Variants in ATP1A3 observed in about 807,000 individuals in gnomAD.
ATP1A3 encodes sodium/potassium-transporting ATPase subunit alpha-3.
Under a neutral mutation model 108.8 loss-of-function variants are expected in ATP1A3, and 12 were observed. The observed-to-expected ratio is 0.11, with a 90% CI of 0.07 to 0.18. The LOEUF is 0.18. Ranked by LOEUF, ATP1A3 falls within the 10% of genes least tolerant of loss-of-function variation. The probability of loss-of-function intolerance (pLI) is 1.00; values close to 1 mark genes in which losing one functional copy is unlikely to be tolerated. For synonymous variants in ATP1A3, 539 were observed against 564.5 expected (o/e 0.95, Z 0.64); for missense variants, 498 against 1,387.7 (o/e 0.36, Z 10.19).
At position 41,988,637 on chromosome 19, in the gene ATP1A3, C is replaced by T; in HGVS notation, c.7-75G>A. 1 of 1,611,558 alleles carries T rather than the reference C, an allele frequency of 6.2e-7. No individual in the cohort carries two copies. Among genetic ancestry groups the T allele is most frequent in the Non-Finnish European group, 8.5e-7 (1 of 1,179,346 alleles). ...GAAGGGGTTCCAGGAGGACACCGGC[C>T]CTCCATGCCCCAGCTATCCTCCTGG... is the stretch of plus-strand genomic sequence containing the variant. On this transcript the variant is annotated intron_variant, in intron 1 of 22. Coordinates refer to ENST00000648268, the MANE Select transcript of ATP1A3 (RefSeq NM_152296.5). This position sits in a 1 kb window ranked among gnomAD's most constrained non-coding sequence, Gnocchi z 5.3.
rs374679279 is a variant in ATP1A3, at chr19:41,976,518, G to A, written c.1992C>T (p.Thr664=). 2 of 1,614,084 alleles carry A rather than the reference G, an allele frequency of 1.2e-6. No individual in the cohort carries two copies. Among genetic ancestry groups the A allele is most frequent in the Non-Finnish European group, 1.7e-6 (2 of 1,180,048 alleles). Residue 664 remains threonine (T), a synonymous_variant, in exon 15 of 23, where the codon ACC becomes ACT. Coordinates refer to ENST00000648268, the MANE Select transcript of ATP1A3 (RefSeq NM_152296.5). ...VIHGTDLKDF[T]SEQIDEILQN... Reference sequence around the variant, plus strand: ...GCAGGATCTCGTCGATTTGCTCGGAGGTGAAGTCCTTGAGGTCGGTGCCGT... The same window carrying A: ...GCAGGATCTCGTCGATTTGCTCGGAAGTGAAGTCCTTGAGGTCGGTGCCGT...
rs267606670 is a variant in ATP1A3, at chr19:41,968,837, C to T, written c.2767G>A (p.Asp923Asn). ...CTCCGGGTCTTGCAGATGATCAGAT[C>T]GGCCCACTGGACGACAACGATGCTC... ...FVSIVVVQWA[D>N]LIICKTRRNS... The change falls in exon 20 of 23, where the codon GAT becomes AAT. Residue 923 changes from aspartate (D) to asparagine (N), a missense_variant. Coordinates refer to ENST00000648268, the MANE Select transcript of ATP1A3 (RefSeq NM_152296.5). The surrounding 1 kb of genome is among the most constrained non-coding windows in gnomAD (Gnocchi z 5.0). 1 of 1,614,164 alleles carries T rather than the reference C, an allele frequency of 6.2e-7. No homozygotes were observed. Among genetic ancestry groups the T allele is most frequent in the Non-Finnish European group, 8.5e-7 (1 of 1,179,998 alleles).
rs1339916082 is a variant in ATP1A3, at chr19:41,986,600, C to G, written c.358-371G>C. ...GGGACTACAGGTGCATGCCACCACA[C>G]CTGGCTAATTTTGTGTATTTTTAGT... On this transcript the variant is annotated intron_variant, in intron 4 of 22. Coordinates refer to ENST00000648268, the MANE Select transcript of ATP1A3 (RefSeq NM_152296.5). 7 of 288,066 alleles carry G rather than the reference C, an allele frequency of 2.4e-5. 1 individual carries two copies. Among genetic ancestry groups the G allele is most frequent in the South Asian group, 2.4e-4 (7 of 28,862 alleles). 17.8% of individuals were successfully genotyped at this position (288,066 alleles called of 1,614,324 possible).
At chr19:41,984,785 A>C (rs1434363897) in intron 8 of ATP1A3, 133 bp downstream of exon 8, 11 of 929,078 alleles carry the variant, frequency 1.2e-5, no homozygotes, top group East Asian at 3.1e-5. Context: ...CTCCTCCCCC[A>C]GACACACGGG....
chr19:41,968,955 G>C lies in ATP1A3; in HGVS notation c.2689-40C>G, dbSNP rs2075073072. On this transcript the variant is annotated intron_variant, in intron 19 of 22. Transcript: ENST00000648268. This position sits in a 1 kb window ranked among gnomAD's most constrained non-coding sequence, Gnocchi z 5.0. The stretch of plus-strand genomic sequence containing the variant: ...ACCAGGGCACGGGACGTCAGTTAGT[G>C]GCACTGCAGCCCTAGCCGCCACCCC... 6.2e-7 allele frequency: 1 copy of C among 1,612,794 alleles called. No individual in the cohort carries two copies. Among genetic ancestry groups the C allele is most frequent in the Non-Finnish European group, 8.5e-7 (1 of 1,179,386 alleles).
rs2075280986 is a variant in ATP1A3, at chr19:41,985,760, G to A, written c.606+104C>T. 2.0e-6 allele frequency: 3 copies of A among 1,530,428 alleles called. No homozygotes were observed. Among genetic ancestry groups the A allele is most frequent in the Middle Eastern group, 2.4e-4 (1 of 4,192 alleles). 94.8% of individuals were successfully genotyped at this position (1,530,428 alleles called of 1,614,324 possible). A position where few individuals can be genotyped will look rare whatever the true frequency, so the allele number is the denominator to read the frequency against. ...GCCTGGACTCCTGGGTCTGAGGGAGGAGGGGTTGGGACCTGGACTCCTGAG... is the reference window on the plus strand; with the variant it reads ...GCCTGGACTCCTGGGTCTGAGGGAGAAGGGGTTGGGACCTGGACTCCTGAG... On this transcript the variant is annotated intron_variant, in intron 6 of 22. Coordinates refer to ENST00000648268, the MANE Select transcript of ATP1A3 (RefSeq NM_152296.5). This position sits in a 1 kb window ranked among gnomAD's most constrained non-coding sequence, Gnocchi z 8.2.
chr19:41,974,206 G>C (rs2075142106), intron 16 of ATP1A3, among the ~76,000 whole-genome samples: 1 of 152,116 alleles, frequency 6.6e-6, no homozygotes, highest in South Asian at 2.1e-4. Flanking sequence ...ACTCCAGCCT[G>C]GGTGACAGAG....
At position 41,988,678 on chromosome 19, in the gene ATP1A3, C is replaced by A. The variant is rs2075309006; in HGVS notation, c.7-116G>T. The A allele has an allele frequency of 1.3e-6, 2 of 1,590,884 alleles. No individual in the cohort carries two copies. Among genetic ancestry groups the A allele is most frequent in the African/African-American group, 2.7e-5 (2 of 74,516 alleles). On this transcript the variant is annotated intron_variant, in intron 1 of 22. Transcript: ENST00000648268. The surrounding 1 kb of genome is among the most constrained non-coding windows in gnomAD (Gnocchi z 5.3). Reference sequence around the variant, plus strand: ...ATCCTCCTGGCCGGTGCCCCTGCATCTCTGGGTGGGGGGTCTCTGTCTGCC... The same window carrying A: ...ATCCTCCTGGCCGGTGCCCCTGCATATCTGGGTGGGGGGTCTCTGTCTGCC...
At chr19:41,982,488 T>C (rs1284976552) in intron 8 of ATP1A3, among the ~76,000 whole-genome samples, 3 of 152,090 alleles carry the variant, frequency 2.0e-5, no homozygotes, top group African/African-American at 7.2e-5. Flanking sequence ...TAGCAGGGCA[T>C]GATGGTACAC....
intron 19 of ATP1A3, 100 bp from the exon 20 acceptor site, chr19:41,969,015 C>G: frequency 1.9e-6 from 3 of 1,554,458 alleles, no homozygotes; most frequent in Non-Finnish European, 2.6e-6. Flanking sequence ...CCCCATCCTG[C>G]ATGGGGTCCT....
intron 18 of ATP1A3, 77 bp downstream of exon 18, chr19:41,970,108 C>T: frequency 6.2e-7 from 1 of 1,612,118 alleles, no homozygotes; most frequent in East Asian, 2.2e-5. Context: ...GCCAGGGTCC[C>T]AAGCACCCAC....
chr19:41,975,867 G>A (rs1377968625), intron 15 of ATP1A3, 70 bp from the exon 16 acceptor site: 1 of 1,598,884 alleles, frequency 6.3e-7, no homozygotes. Flanking sequence ...AGATCCAGAA[G>A]CCCAGGACCC....
intron 16 of ATP1A3, among the ~76,000 whole-genome samples, chr19:41,972,012 G>T (rs2075114928): frequency 6.6e-6 from 1 of 152,168 alleles, no homozygotes; most frequent in Non-Finnish European, 1.5e-5. Flanking sequence ...CACTTTGGGA[G>T]ACCGAAGCAG....
In ATP1A3 at chr19:41,967,034, C is replaced by A; in HGVS notation, c.3014-69G>T. 1 of 1,551,406 alleles carries A rather than the reference C, an allele frequency of 6.4e-7. No homozygotes were observed. The highest frequency in any genetic ancestry group is 8.7e-7 in the Non-Finnish European group (1 of 1,146,922). ...GAGAGAGACAGGCAAGGCGAGCCGC[C>A]CAGCAGAGAGAGGGACAGAGAGGGA... is the stretch of plus-strand genomic sequence containing the variant. On this transcript the variant is annotated intron_variant, in intron 22 of 22. Coordinates refer to ENST00000648268, the MANE Select transcript of ATP1A3 (RefSeq NM_152296.5). This position sits in a 1 kb window ranked among gnomAD's most constrained non-coding sequence, Gnocchi z 4.2.
rs529241207 is a variant in ATP1A3 at position 41,984,957 on chromosome 19, G to T, written c.954C>A (p.Ile318=). The change falls in exon 8 of 23, where the codon ATC becomes ATA. Residue 318 remains isoleucine, a synonymous_variant. Coordinates refer to ENST00000648268, the MANE Select transcript of ATP1A3 (RefSeq NM_152296.5). ...GCAGACCCTCTGGGACATTGGCCAC[G>T]ATGATGCCGATGAGGAAGATGACAG... ...LEAVIFLIGI[I]VANVPEGLLA... The T allele has an allele frequency of 1.3e-5, 21 of 1,613,908 alleles. No homozygotes were observed. The South Asian group carries it at 2.0e-4, about 15-fold the overall frequency.
intron 15 of ATP1A3, 24 bp downstream of exon 15, chr19:41,976,392 C>T: frequency 1.2e-6 from 2 of 1,614,048 alleles, no homozygotes; most frequent in Non-Finnish European, 1.7e-6. Context: ...GCCCCGTCCC[C>T]TCCTCTGCGG....
chr19:41,971,061 T>C (rs1376383355), intron 16 of ATP1A3, among the ~76,000 whole-genome samples: 1 of 151,970 alleles, frequency 6.6e-6, no homozygotes, highest in African/African-American at 2.4e-5. Flanking sequence ...ACTCCCAGGC[T>C]CAAGTGATCC....
chr19:41,994,180 G>A lies in ATP1A3; in HGVS notation c.-104C>T, dbSNP rs2075366032. The A allele has an allele frequency of 3.5e-6, 4 of 1,133,470 alleles. No individual in the cohort carries two copies. Among genetic ancestry groups the A allele is most frequent in the Admixed American group, 3.3e-5 (1 of 29,960 alleles). 70.2% of individuals were successfully genotyped at this position (1,133,470 alleles called of 1,614,324 possible). A position where few individuals can be genotyped will look rare whatever the true frequency, so the allele number is the denominator to read the frequency against. ...GAGCCTCTGCAGCGCCCGCGCCTCGGTAGGTGCGCGCGTCCGTCCGTCCGT... is the reference window on the plus strand; with the variant it reads ...GAGCCTCTGCAGCGCCCGCGCCTCGATAGGTGCGCGCGTCCGTCCGTCCGT... On this transcript the variant is annotated 5_prime_UTR_variant, in exon 1 of 23. Coordinates refer to ENST00000648268, the MANE Select transcript of ATP1A3 (RefSeq NM_152296.5).
intron 14 of ATP1A3, among the ~76,000 whole-genome samples, chr19:41,977,532 CAA>C (rs367832047): frequency 0.82 from 112,190 of 137,650 alleles, 45,694 homozygotes; most frequent in East Asian, 0.86. Flanking sequence ...ACTAAAAATA[CAA>C]AAAAAAAAAA....
Sources: allele counts gnomAD v4.1 joint callset (sites outside exome capture counted in the v4.1 genomes callset), GRCh38; gene constraint gnomAD v4.1.1; non-coding constraint Gnocchi (gnomAD v3.1); transcripts MANE v1.5; gene names NCBI Gene and HGNC (gene_info 2026-07-23, HGNC 2026-07-21).